RAP1GAP2: variants seen among roughly 807,000 people sequenced by gnomAD.
The protein encoded by RAP1GAP2 is RAP1 GTPase activating protein 2, also known as rap1 GTPase-activating protein 2.
RAP1GAP2 carries 27 observed loss-of-function variants against 95.0 expected under a neutral mutation model. The ratio of observed to expected loss-of-function variants is 0.28; its 90% confidence interval spans 0.21 to 0.39. The LOEUF (loss-of-function observed/expected upper bound fraction) is 0.39. Ranked by LOEUF, RAP1GAP2 falls within the 10% of genes least tolerant of loss-of-function variation. The pLI is 1.00. For missense variants in RAP1GAP2, 771 were observed against 970.0 expected (o/e 0.79, Z 2.72); for synonymous variants, 373 against 380.9 (o/e 0.98, Z 0.24).
intron 2 of RAP1GAP2, among the ~76,000 whole-genome samples, chr17:2,898,559 G>A (rs933548560): frequency 1.3e-5 from 2 of 152,136 alleles, no homozygotes; most frequent in Non-Finnish European, 2.9e-5. Context: ...CATATACCCG[G>A]GGCCTGGCGG....
intron 1 of RAP1GAP2, among the ~76,000 whole-genome samples, chr17:2,757,217 C>G (rs1346076089): frequency 6.6e-6 from 1 of 152,180 alleles, no homozygotes; most frequent in Admixed American, 6.5e-5. Flanking sequence ...CTCCCAGGCT[C>G]AAGTGATCCT....
chr17:2,785,022 G>GCCTGCGGCATCATCCC lies in RAP1GAP2; in HGVS notation c.-14+7766_-14+7781dup, dbSNP rs961431734. On this transcript the variant is annotated intron_variant, in intron 1 of 24. Transcript: ENST00000540393. ...CTTCCACCTGAGTCACTGTTCATCT[G>GCCTGCGGCATCATCCC]CCTGCGGCATCATCCCCCTGCGGCA... 3.9e-5 allele frequency among the ~76,000 whole-genome samples: 6 copies of GCCTGCGGCATCATCCC among 152,304 alleles called. No individual in the cohort carries two copies. In the South Asian group the frequency reaches 1.2e-3, roughly 32 times the overall value.
chr17:3,002,454 C>T (rs2046193556), intron 14 of RAP1GAP2, among the ~76,000 whole-genome samples: 1 of 152,182 alleles, frequency 6.6e-6, no homozygotes, highest in African/African-American at 2.4e-5. Context: ...TTCCAAGGCA[C>T]TCCCCAAAGC....
chr17:3,007,969 T>C (rs759610033), intron 16 of RAP1GAP2, 42 bp from the exon 17 acceptor site: 1 of 1,605,256 alleles, frequency 6.2e-7, no homozygotes, highest in Non-Finnish European at 8.5e-7. Flanking sequence ...ACATCTCTGC[T>C]CTCAGAGCCA....
At chr17:2,853,638 C>A (rs1172002326) in intron 2 of RAP1GAP2, among the ~76,000 whole-genome samples, 2 of 147,354 alleles carry the variant, frequency 1.4e-5, no homozygotes, top group African/African-American at 2.5e-5. Context: ...ACCATCCGGG[C>A]GGCCGAGGCC....
At chr17:2,945,672 T>C (rs1163035816) in intron 3 of RAP1GAP2, among the ~76,000 whole-genome samples, 1 of 152,156 alleles carries the variant, frequency 6.6e-6, no homozygotes, top group African/African-American at 2.4e-5. Flanking sequence ...TCTGAGAGTT[T>C]ATATCATGAA....
intron 8 of RAP1GAP2, among the ~76,000 whole-genome samples, chr17:2,969,179 C>CTATCTATCTATCTATCTATCTATCTA (rs1555581850): frequency 3.5e-5 from 5 of 143,224 alleles, no homozygotes; most frequent in East Asian, 4.3e-4. Flanking sequence ...ATCTATCTAT[C>CTATCTATCTATCTATCTATCTATCTA]TATATATATA....
intron 19 of RAP1GAP2, among the ~76,000 whole-genome samples, chr17:3,021,420 C>A (rs906611385): frequency 1.4e-5 from 2 of 143,506 alleles, no homozygotes; most frequent in South Asian, 2.3e-4. Context: ...TGAGAACATG[C>A]GATATTTGTC....
intron 3 of RAP1GAP2, among the ~76,000 whole-genome samples, chr17:2,944,747 C>T (rs1410033598): frequency 6.6e-6 from 1 of 152,186 alleles, no homozygotes; most frequent in Non-Finnish European, 1.5e-5. Context: ...AGTATTAAAT[C>T]TCCAATCCAT....
At chr17:2,894,168 TCCCAGCA>T (rs1242000427) in intron 2 of RAP1GAP2, among the ~76,000 whole-genome samples, 1 of 151,016 alleles carries the variant, frequency 6.6e-6, no homozygotes, top group Admixed American at 6.6e-5. Flanking sequence ...ATGCCTGCAA[TCCCAGCA>T]CCCAGCACTT....
chr17:2,920,196 C>G (rs1334081518), intron 3 of RAP1GAP2, among the ~76,000 whole-genome samples: 2 of 152,060 alleles, frequency 1.3e-5, no homozygotes, highest in Admixed American at 1.3e-4. Context: ...TTTTTTAATT[C>G]GTAGAAGCAG....
chr17:2,931,947 A>G (rs1172308780), intron 3 of RAP1GAP2, among the ~76,000 whole-genome samples: 3 of 152,136 alleles, frequency 2.0e-5, no homozygotes, highest in Non-Finnish European at 2.9e-5. Flanking sequence ...CCAGCTTCTC[A>G]TGACTCCTTC....
At chr17:2,886,642 C>T (rs548551386) in intron 2 of RAP1GAP2, among the ~76,000 whole-genome samples, 1 of 152,334 alleles carries the variant, frequency 6.6e-6, no homozygotes, top group East Asian at 1.9e-4. Flanking sequence ...ACGCCTGTCT[C>T]AGGCGCTTTC....
rs1352785083 is a variant in RAP1GAP2, at chr17:2,825,374, G to C, written c.80+24824G>C. 1.3e-5 allele frequency among the ~76,000 whole-genome samples: 2 copies of C among 152,164 alleles called. No individual in the cohort carries two copies. Among genetic ancestry groups the C allele is most frequent in the African/African-American group, 2.4e-5 (1 of 41,444 alleles). ...TGCTGTTGGAACTGGGTCAGAATTGGAATACAGGAAGCAAGAACATGAGTG... is the reference window on the plus strand; with the variant it reads ...TGCTGTTGGAACTGGGTCAGAATTGCAATACAGGAAGCAAGAACATGAGTG... On this transcript the variant is annotated intron_variant, in intron 2 of 24. Coordinates refer to ENST00000254695, the MANE Select transcript of RAP1GAP2 (RefSeq NM_015085.5). The surrounding 1 kb of genome is among the most constrained non-coding windows in gnomAD (Gnocchi z 4.1).
intron 3 of RAP1GAP2, among the ~76,000 whole-genome samples, chr17:2,912,102 C>T (rs2042404372): frequency 6.6e-6 from 1 of 152,244 alleles, no homozygotes; most frequent in South Asian, 2.1e-4. Flanking sequence ...GCACGTGGCT[C>T]TCCACGGCCA....
Position 2,815,707 on chromosome 17 carries a change from C to A in RAP1GAP2, c.80+15157C>A, listed in dbSNP as rs144329497. Among the ~76,000 whole-genome samples, 548 of 152,224 alleles carry A rather than the reference C, an allele frequency of 3.6e-3. 4 individuals are homozygous for A. Among genetic ancestry groups the A allele is most frequent in the Middle Eastern group, 0.017 (5 of 294 alleles). ...ACGTTGACCAGGCTGGTCTTGAACT[C>A]CTGACCTCAGGTGATCCGCCCACCT... On this transcript the variant is annotated intron_variant, in intron 2 of 24. Coordinates refer to ENST00000254695, the MANE Select transcript of RAP1GAP2 (RefSeq NM_015085.5).
At position 2,854,132 on chromosome 17, in the gene RAP1GAP2, T is replaced by G. The variant is rs560146226; in HGVS notation, c.81-51152T>G. 534 of 985,400 alleles carry G rather than the reference T, an allele frequency of 5.4e-4. 3 individuals are homozygous for G. In the African/African-American group the frequency reaches 5.8e-3, roughly 11 times the overall value. 61.0% of individuals were successfully genotyped at this position (985,400 alleles called of 1,614,324 possible). A position where few individuals can be genotyped will look rare whatever the true frequency, so the allele number is the denominator to read the frequency against. The stretch of plus-strand genomic sequence containing the variant: ...ACCCCTGCAGCGCCGGCCGCTTCCC[T>G]CCGCTCTCCTGCTGCATGCCAGTTT... On this transcript the variant is annotated intron_variant, in intron 2 of 24. Transcript: ENST00000254695.
At chr17:2,893,894 C>G (rs1775639829) in intron 2 of RAP1GAP2, among the ~76,000 whole-genome samples, 1 of 152,252 alleles carries the variant, frequency 6.6e-6, no homozygotes. Flanking sequence ...TTGGCACGCG[C>G]TCTTCCCTGA....
At chr17:2,849,999 CT>C (rs5818878) in intron 2 of RAP1GAP2, among the ~76,000 whole-genome samples, 1,965 of 132,356 alleles carry the variant, frequency 0.015, 9 homozygotes, top group Non-Finnish European at 0.023. Context: ...ACACTGCCTG[CT>C]TTTTTTTTTT....
Sources: allele counts gnomAD v4.1 joint callset (sites outside exome capture counted in the v4.1 genomes callset), GRCh38; gene constraint gnomAD v4.1.1; non-coding constraint Gnocchi (gnomAD v3.1); transcripts MANE v1.5; gene names NCBI Gene and HGNC (gene_info 2026-07-23, HGNC 2026-07-21).